TBC1D14: variants seen among roughly 807,000 people sequenced by gnomAD.
TBC1D14 encodes TBC1 domain family member 14.
In TBC1D14, 26 loss-of-function variants were observed where a neutral mutation model predicts 79.0. That is an observed-to-expected ratio of 0.33 (90% confidence interval 0.24 to 0.46). The LOEUF is 0.46. Among genes scored for constraint, TBC1D14 ranks in the 20% least tolerant of loss-of-function variants. The pLI, the probability that TBC1D14 is intolerant of heterozygous loss-of-function variation, is 1.00. For missense variants in TBC1D14, 769 were observed against 887.6 expected (o/e 0.87, Z 1.70); for synonymous variants, 394 against 349.9 (o/e 1.13, Z -1.40).
intron 3 of TBC1D14, among the ~76,000 whole-genome samples, chr4:6,978,880 GTTTTC>G (rs1474260738): frequency 6.6e-6 from 1 of 151,262 alleles, no homozygotes; most frequent in Non-Finnish European, 1.5e-5. Context: ...TCAGTAGACT[GTTTTC>G]TTAATGAGTT....
In TBC1D14 at chr4:6,987,951, G is replaced by A. The variant is rs149452464; in HGVS notation, c.844-6233G>A. On this transcript the variant is annotated intron_variant, in intron 3 of 13. Coordinates refer to ENST00000409757, the MANE Select transcript of TBC1D14 (RefSeq NM_020773.3). ...GAATGCCAACATTCCCAGTAACTTA[G>A]AGAACGCTTTCCAGGAGGGGACTGC... Among the ~76,000 whole-genome samples, 11 of 152,340 alleles carry A rather than the reference G, an allele frequency of 7.2e-5. No homozygotes were observed. The East Asian group carries it at 2.1e-3, about 29-fold the overall frequency.
At chr4:6,911,407 G>A (rs927399699) in intron 1 of TBC1D14, among the ~76,000 whole-genome samples, 29 of 152,220 alleles carry the variant, frequency 1.9e-4, no homozygotes, top group Non-Finnish European at 4.4e-5. Flanking sequence ...ACTGAGGCAG[G>A]CTACTGGGCC....
chr4:6,958,175 A>C (rs1338569761), intron 2 of TBC1D14, among the ~76,000 whole-genome samples: 3 of 152,108 alleles, frequency 2.0e-5, no homozygotes, highest in Non-Finnish European at 2.9e-5. Context: ...GGCATGAGTC[A>C]AGTCACTGTC....
rs200623648 is a variant in TBC1D14, at chr4:7,025,010, T to C, written c.1764T>C (p.Phe588=). The C allele has an allele frequency of 1.1e-5, 18 of 1,613,940 alleles. No homozygotes were observed. Among genetic ancestry groups the C allele is most frequent in the Non-Finnish European group, 1.5e-5 (18 of 1,179,936 alleles). The change falls in exon 13 of 14, where the codon TTT becomes TTC. Residue 588 remains phenylalanine (F), a synonymous_variant. Coordinates refer to ENST00000409757, the MANE Select transcript of TBC1D14 (RefSeq NM_020773.3). ...TCCAACTTTTACCCCCTAGGATCTT[T>C]ACCTTATATAGTAAATCTCTGCCCC... ...TPDIYLIDWI[F]TLYSKSLPLD...
At chr4:6,927,075 G>A (rs957686436) in intron 2 of TBC1D14, among the ~76,000 whole-genome samples, 1 of 152,188 alleles carries the variant, frequency 6.6e-6, no homozygotes, top group Non-Finnish European at 1.5e-5. Context: ...GGGAGCAGGG[G>A]AGTGACAGGA....
intron 3 of TBC1D14, among the ~76,000 whole-genome samples, chr4:6,968,250 A>G (rs1188434814): frequency 1.3e-5 from 2 of 152,194 alleles, no homozygotes; most frequent in Non-Finnish European, 2.9e-5. Context: ...TGGAAGGGAC[A>G]CAGTACCCGT....
rs1050416084 is a variant in TBC1D14 at position 7,032,608 on chromosome 4, G to C, written c.*2216G>C. On this transcript the variant is annotated 3_prime_UTR_variant, in exon 14 of 14. Transcript: ENST00000409757. ...CTGTTCAGGGGTCACATGAGGTCTCGCCAGTTTCCTGGGTCCTCTTCAGAG... is the reference window on the plus strand; with the variant it reads ...CTGTTCAGGGGTCACATGAGGTCTCCCCAGTTTCCTGGGTCCTCTTCAGAG... 5 of 152,204 alleles carry C rather than the reference G, an allele frequency of 3.3e-5. No homozygotes were observed. Among genetic ancestry groups the C allele is most frequent in the South Asian group, 2.1e-4 (1 of 4,832 alleles). The allele number at this position is 152,204 out of a possible 1,614,324, so 9.4% of individuals were successfully genotyped here.
chr4:6,992,181 C>T (rs557404327), intron 3 of TBC1D14, among the ~76,000 whole-genome samples: 2 of 152,334 alleles, frequency 1.3e-5, no homozygotes, highest in African/African-American at 4.8e-5. Flanking sequence ...GGAAAGAAGG[C>T]TTAGGGATTT....
intron 11 of TBC1D14, among the ~76,000 whole-genome samples, chr4:7,011,001 C>T (rs983117535): frequency 6.6e-6 from 1 of 152,122 alleles, no homozygotes; most frequent in Non-Finnish European, 1.5e-5. Context: ...TTTCTTAATA[C>T]GTTCTCTCAG....
intron 12 of TBC1D14, among the ~76,000 whole-genome samples, chr4:7,015,937 T>G (rs1163305121): frequency 6.6e-6 from 1 of 152,218 alleles, no homozygotes; most frequent in Non-Finnish European, 1.5e-5. Flanking sequence ...CTAAATCGTA[T>G]GGTAAATGTC....
chr4:7,005,010 C>A, intron 8 of TBC1D14, 86 bp downstream of exon 8: 1 of 1,229,736 alleles, frequency 8.1e-7, no homozygotes, highest in Non-Finnish European at 1.2e-6. Flanking sequence ...TTGACGTTAA[C>A]TACAGTAGAG....
intron 2 of TBC1D14, among the ~76,000 whole-genome samples, chr4:6,958,618 A>G (rs909048484): frequency 6.6e-6 from 1 of 152,038 alleles, no homozygotes; most frequent in Non-Finnish European, 1.5e-5. Flanking sequence ...AATGTTTTGT[A>G]GACATGAGGT....
At chr4:6,971,634 C>T (rs776043319) in intron 3 of TBC1D14, among the ~76,000 whole-genome samples, 3 of 152,202 alleles carry the variant, frequency 2.0e-5, no homozygotes, top group Non-Finnish European at 4.4e-5. Context: ...AGGAGAATAA[C>T]AGTACAACAG....
At chr4:6,966,469 A>C (rs1161630179) in intron 2 of TBC1D14, among the ~76,000 whole-genome samples, 1 of 152,248 alleles carries the variant, frequency 6.6e-6, no homozygotes, top group Non-Finnish European at 1.5e-5. Context: ...GTGAATACTC[A>C]TTATAAATAG....
intron 2 of TBC1D14, among the ~76,000 whole-genome samples, chr4:6,944,802 C>T (rs1402275111): frequency 6.6e-6 from 1 of 152,214 alleles, no homozygotes; most frequent in Non-Finnish European, 1.5e-5. Context: ...CACTGGTTCC[C>T]AGCACAGCTG....
At chr4:6,981,900 G>A (rs559623448) in intron 3 of TBC1D14, among the ~76,000 whole-genome samples, 1 of 152,332 alleles carries the variant, frequency 6.6e-6, no homozygotes, top group South Asian at 2.1e-4. Context: ...ACAGGAAACA[G>A]CTACAGCTAA....
At chr4:7,000,312 G>C (rs1347969801) in intron 6 of TBC1D14, among the ~76,000 whole-genome samples, 1 of 152,184 alleles carries the variant, frequency 6.6e-6, no homozygotes, top group East Asian at 1.9e-4. Flanking sequence ...ACTGCACACG[G>C]ACGCTGCCTG....
chr4:7,015,685 C>T (rs10937777), intron 12 of TBC1D14, among the ~76,000 whole-genome samples: 47,332 of 151,962 alleles, frequency 0.31, 7,482 homozygotes, highest in Middle Eastern at 0.36. Context: ...TCTCAGATCA[C>T]ATGGTGGGAA....
intron 7 of TBC1D14, among the ~76,000 whole-genome samples, chr4:7,003,494 G>A (rs1199736724): frequency 6.6e-6 from 1 of 152,230 alleles, no homozygotes; most frequent in Non-Finnish European, 1.5e-5. Flanking sequence ...TTTGGACACT[G>A]ATACCATAAT....
Sources: gnomAD v4.1 joint callset for allele counts (sites outside exome capture counted in the v4.1 genomes callset) on GRCh38, gnomAD v4.1.1 for gene constraint, MANE v1.5 for transcripts, NCBI Gene and HGNC (gene_info 2026-07-23, HGNC 2026-07-21) for gene names.